The following STK32B variants were observed in gnomAD, a reference collection of about 807,000 sequenced individuals.
STK32B encodes serine/threonine kinase 32B.
A neutral mutation model predicts 52.6 loss-of-function variants in STK32B; 43 were observed. The observed-to-expected ratio is 0.82, with a 90% CI of 0.64 to 1.05. The LOEUF is 1.05. Ranked by LOEUF, STK32B falls within the 50% of genes least tolerant of loss-of-function variation. The pLI is 0.00. For synonymous variants in STK32B, 238 were observed against 204.3 expected, an observed-to-expected ratio of 1.17 and a Z score of -1.41; for missense variants, 621 against 534.6, an observed-to-expected ratio of 1.16 and a Z score of -1.59.
At chr4:5,022,104 C>T in the STK32B span, among the ~76,000 whole-genome samples, 1 of 152,148 alleles carries the variant, frequency 6.6e-6, no homozygotes. Flanking sequence ...AGTGTGCATC[C>T]GGGAATTCTA....
At chr4:5,260,470 C>A (rs1258046753) in intron 3 of STK32B, among the ~76,000 whole-genome samples, 1 of 152,112 alleles carries the variant, frequency 6.6e-6, no homozygotes, top group Non-Finnish European at 1.5e-5. Flanking sequence ...CCCCTCAGGA[C>A]GCAAAGGACC....
intron 1 of STK32B, among the ~76,000 whole-genome samples, chr4:5,108,459 G>A (rs1714226356): frequency 6.6e-6 from 1 of 152,158 alleles, no homozygotes; most frequent in Admixed American, 6.5e-5. Context: ...TCATGTTTGG[G>A]TGTTGAGGTT....
intron 1 of STK32B, among the ~76,000 whole-genome samples, chr4:5,090,402 G>T (rs1212526837): frequency 2.6e-5 from 3 of 115,002 alleles, no homozygotes; most frequent in African/African-American, 9.8e-5. Context: ...TCGAGACAGA[G>T]TCTCGCTCTG....
chr4:5,361,239 T>C (rs1475248915), intron 4 of STK32B, among the ~76,000 whole-genome samples: 2 of 152,204 alleles, frequency 1.3e-5, no homozygotes, highest in South Asian at 2.1e-4. Context: ...CTTGGCTTGC[T>C]CCCACCTTTT....
intron 1 of STK32B, among the ~76,000 whole-genome samples, chr4:5,063,423 A>G (rs985094909): frequency 2.6e-5 from 4 of 151,930 alleles, no homozygotes; most frequent in African/African-American, 9.7e-5. Flanking sequence ...GCTCACTGCA[A>G]CCTCCACCTC....
Position 5,395,026 on chromosome 4 carries a change from C to T in STK32B, c.435-3181C>T, listed in dbSNP as rs1341441844. On this transcript the variant is annotated intron_variant, in intron 4 of 11. Coordinates refer to ENST00000282908, the MANE Select transcript of STK32B (RefSeq NM_018401.3). This position sits in a 1 kb window ranked among gnomAD's most constrained non-coding sequence, Gnocchi z 4.4. Reference sequence around the variant, plus strand: ...TCTGGAACATGGGGTGGGGTTCTCTCCCAGGCTCTTGTGGTTGTTGGCAGA... The same window carrying T: ...TCTGGAACATGGGGTGGGGTTCTCTTCCAGGCTCTTGTGGTTGTTGGCAGA... Among the ~76,000 whole-genome samples the T allele has an allele frequency of 6.6e-6, 1 of 152,186 alleles. No individual in the cohort carries two copies. The highest frequency in any genetic ancestry group is 1.9e-4 in the East Asian group (1 of 5,194).
chr4:5,421,343 G>A (rs1376222994), intron 6 of STK32B, among the ~76,000 whole-genome samples: 2 of 151,840 alleles, frequency 1.3e-5, no homozygotes, highest in East Asian at 3.9e-4. Flanking sequence ...ACCAGCCTCG[G>A]CCTCCCAAAG....
At chr4:5,054,979 G>A (rs918144750) in intron 1 of STK32B, among the ~76,000 whole-genome samples, 2 of 152,122 alleles carry the variant, frequency 1.3e-5, no homozygotes, top group Non-Finnish European at 2.9e-5. Context: ...TTTTCCAAGT[G>A]TTGCATAAAA....
At chr4:5,149,812 A>C (rs981377946) in intron 2 of STK32B, among the ~76,000 whole-genome samples, 1 of 151,856 alleles carries the variant, frequency 6.6e-6, no homozygotes, top group Admixed American at 6.6e-5. Flanking sequence ...AGTTTTTGAT[A>C]TTTATTCATA....
chr4:5,216,653 C>CA, intron 3 of STK32B, among the ~76,000 whole-genome samples: 1 of 152,238 alleles, frequency 6.6e-6, no homozygotes, highest in East Asian at 1.9e-4. Flanking sequence ...GCAGTCTGTA[C>CA]AAGGCACAGA....
At chr4:5,314,580 G>A (rs763605495) in intron 3 of STK32B, among the ~76,000 whole-genome samples, 1 of 152,198 alleles carries the variant, frequency 6.6e-6, no homozygotes, top group Non-Finnish European at 1.5e-5. Context: ...TGAGGCAGGA[G>A]AATCACTTGA....
chr4:5,102,781 G>A (rs1251885369), intron 1 of STK32B, among the ~76,000 whole-genome samples: 1 of 149,834 alleles, frequency 6.7e-6, no homozygotes, highest in African/African-American at 2.5e-5. Flanking sequence ...GACCTGAAAT[G>A]ATCTGCCCAC....
chr4:5,418,362 CA>C (rs1296059179), intron 6 of STK32B, among the ~76,000 whole-genome samples: 8 of 152,154 alleles, frequency 5.3e-5, no homozygotes, highest in Non-Finnish European at 1.0e-4. Context: ...ATATCATATG[CA>C]TGAGTTTTAT....
chr4:5,486,226 G>A (rs766017524), intron 11 of STK32B, among the ~76,000 whole-genome samples: 38 of 152,174 alleles, frequency 2.5e-4, no homozygotes, highest in Non-Finnish European at 4.6e-4. Flanking sequence ...GAGCCGTAGT[G>A]GGCTCCACCC....
chr4:5,122,548 C>T (rs1715114477), intron 1 of STK32B, among the ~76,000 whole-genome samples: 1 of 149,966 alleles, frequency 6.7e-6, no homozygotes, highest in South Asian at 2.1e-4. Context: ...CATTCTTTTA[C>T]TCACTCATTC....
At chr4:5,302,706 T>G (rs1352772242) in intron 3 of STK32B, among the ~76,000 whole-genome samples, 1 of 152,098 alleles carries the variant, frequency 6.6e-6, no homozygotes, top group African/African-American at 2.4e-5. Context: ...ACCCATCACC[T>G]GAGCAGTGTA....
intron 11 of STK32B, among the ~76,000 whole-genome samples, chr4:5,486,525 C>G (rs550124681): frequency 2.0e-5 from 3 of 152,370 alleles, no homozygotes; most frequent in Non-Finnish European, 4.4e-5. Flanking sequence ...TGACTTCTTG[C>G]GCTTCCAAGG....
intron 2 of STK32B, among the ~76,000 whole-genome samples, chr4:5,145,384 A>C (rs914678346): frequency 6.6e-6 from 1 of 152,210 alleles, no homozygotes. Context: ...ATACAACAGA[A>C]TGAACACATC....
chr4:5,457,575 T>C (rs907182161), intron 8 of STK32B, among the ~76,000 whole-genome samples: 5 of 151,058 alleles, frequency 3.3e-5, no homozygotes. Context: ...CTTTAAGAAA[T>C]TGGGTATCTC....
Sources: allele counts gnomAD v4.1 joint callset (sites outside exome capture counted in the v4.1 genomes callset), GRCh38; gene constraint gnomAD v4.1.1; non-coding constraint Gnocchi (gnomAD v3.1); transcripts MANE v1.5; gene names NCBI Gene and HGNC (gene_info 2026-07-23, HGNC 2026-07-21).